The following USH2A variants were observed in gnomAD, a reference collection of about 807,000 sequenced individuals.
The protein encoded by USH2A is Usher syndrome 2A (autosomal recessive, mild).
USH2A carries 443 observed loss-of-function variants against 538.9 expected under a neutral mutation model. The observed-to-expected ratio is 0.82, with a 90% CI of 0.76 to 0.89. The LOEUF (loss-of-function observed/expected upper bound fraction) is 0.89, where lower values mean the gene tolerates loss of function less well. Among genes scored for constraint, USH2A ranks in the 40% least tolerant of loss-of-function variants. The probability of loss-of-function intolerance (pLI) is 0.00; values close to 1 mark genes in which losing one functional copy is unlikely to be tolerated. For synonymous variants in USH2A, 2,413 were observed against 2,273.5 expected (o/e 1.06, Z -1.75); for missense variants, 6,633 against 6,324.8 (o/e 1.05, Z -1.65).
rs2102665314 is a variant in USH2A at position 215,674,518 on chromosome 1, T to A, written c.13393A>T (p.Lys4465Ter). The A allele has an allele frequency of 1.2e-6, 2 of 1,614,178 alleles. No homozygotes were observed. Among genetic ancestry groups the A allele is most frequent in the Non-Finnish European group, 1.7e-6 (2 of 1,180,028 alleles). The change falls in exon 63 of 72, where the codon AAA (lysine) becomes TAA (stop). Residue 4465 changes from lysine (K) to a stop codon, truncating the protein, a stop_gained. Transcript: ENST00000307340. LOFTEE classifies it high-confidence loss of function. ...TGSESIEITW[K>*]PPRNPNGQIR... ...TGGCCATTTGGGTTTCTTGGAGGTT[T>A]CCAGGTGATTTCTATTGATTCTGAG...
intron 32 of USH2A, among the ~76,000 whole-genome samples, chr1:216,006,715 T>C (rs945505102): frequency 6.6e-6 from 1 of 152,180 alleles, no homozygotes; most frequent in African/African-American, 2.4e-5. Context: ...GACAATTCTC[T>C]TGAGGAACCA....
At chr1:215,764,831 AT>A (rs771479047) in intron 56 of USH2A, among the ~76,000 whole-genome samples, 5 of 152,118 alleles carry the variant, frequency 3.3e-5, no homozygotes, top group African/African-American at 4.8e-5. Flanking sequence ...TTCACACTAT[AT>A]TTATTTCATA....
rs189583485 is a variant in USH2A at position 216,119,601 on chromosome 1, A to G, written c.4628-22388T>C. 7.9e-5 allele frequency among the ~76,000 whole-genome samples: 12 copies of G among 152,188 alleles called. No individual in the cohort carries two copies. The East Asian group carries it at 2.3e-3, about 29-fold the overall frequency. On this transcript the variant is annotated intron_variant, in intron 21 of 71. Coordinates refer to ENST00000307340, the MANE Select transcript of USH2A (RefSeq NM_206933.4). ...GTAAAAGATGATGTATTTTAATTAAACGAAATATCCCATATAAATATATTT... is the reference window on the plus strand; with the variant it reads ...GTAAAAGATGATGTATTTTAATTAAGCGAAATATCCCATATAAATATATTT...
At chr1:215,924,297 T>G (rs1666177826) in intron 38 of USH2A, among the ~76,000 whole-genome samples, 3 of 152,064 alleles carry the variant, frequency 2.0e-5, no homozygotes, top group African/African-American at 7.2e-5. Context: ...TTTTAGACTC[T>G]GGGGGGTCTA....
chr1:216,078,147 A>G lies in USH2A; in HGVS notation c.5514T>C (p.Tyr1838=), dbSNP rs2031815328. Residue 1838 remains tyrosine, a synonymous_variant, in exon 27 of 72, where the codon TAT becomes TAC. Transcript: ENST00000307340. ...GCAGTTCCTGTGGGATTCCTCCCAC[A>G]TAAACTGGTGAATTCACCACCAGTG... ...DQPLVVNSPV[Y]VGGIPQELLN... 4 of 1,613,660 alleles carry G rather than the reference A, an allele frequency of 2.5e-6. No homozygotes were observed. Among genetic ancestry groups the G allele is most frequent in the East Asian group, 2.2e-5 (1 of 44,870 alleles).
chr1:215,700,022 G>A (rs1377142998), intron 61 of USH2A, among the ~76,000 whole-genome samples: 4 of 152,156 alleles, frequency 2.6e-5, no homozygotes, highest in African/African-American at 9.7e-5. Flanking sequence ...ATGAAGGGGT[G>A]CTGAATTTTA....
Position 216,421,051 on chromosome 1 carries a change from C to T in USH2A, c.485+801G>A, listed in dbSNP as rs114765926. On this transcript the variant is annotated intron_variant, in intron 2 of 71. Coordinates refer to ENST00000307340, the MANE Select transcript of USH2A (RefSeq NM_206933.4). ...ATAAGCAAAAATTCCTCAAAACTGT[C>T]CTGTATATTAAAATCTCCAGGTTGG... is the stretch of plus-strand genomic sequence containing the variant. 3.2e-3 allele frequency among the ~76,000 whole-genome samples: 490 copies of T among 152,158 alleles called. 3 individuals are homozygous for T. Among genetic ancestry groups the T allele is most frequent in the African/African-American group, 0.011 (463 of 41,548 alleles).
At chr1:215,760,291 C>T (rs763886903) in intron 56 of USH2A, among the ~76,000 whole-genome samples, 4 of 152,108 alleles carry the variant, frequency 2.6e-5, no homozygotes, top group Non-Finnish European at 5.9e-5. Flanking sequence ...ATGCCTCTGG[C>T]CTCATTTACT....
intron 3 of USH2A, among the ~76,000 whole-genome samples, chr1:216,373,654 G>A (rs1000034534): frequency 2.6e-5 from 4 of 152,110 alleles, no homozygotes; most frequent in African/African-American, 4.8e-5. Context: ...AAAGTTATTC[G>A]TATATCATTA....
chr1:215,821,892 T>A (rs998163781), intron 47 of USH2A, among the ~76,000 whole-genome samples: 1 of 151,956 alleles, frequency 6.6e-6, no homozygotes, highest in African/African-American at 2.4e-5. Flanking sequence ...GTTTCCTCAT[T>A]GCAAGTTCTT....
At chr1:216,245,878 T>C (rs1321493262) in intron 13 of USH2A, among the ~76,000 whole-genome samples, 1 of 152,196 alleles carries the variant, frequency 6.6e-6, no homozygotes, top group Non-Finnish European at 1.5e-5. Context: ...AGAGCTAATA[T>C]TGGCTGACAG....
chr1:215,817,478 A>G (rs1662890770), intron 47 of USH2A, among the ~76,000 whole-genome samples: 3 of 151,850 alleles, frequency 2.0e-5, no homozygotes, highest in Admixed American at 6.6e-5. Flanking sequence ...AAGCAAAGAT[A>G]AGACATACAT....
At position 216,422,276 on chromosome 1, in the gene USH2A, T is replaced by C. The variant is rs757708683; in HGVS notation, c.61A>G (p.Ile21Val). 1 of 1,613,606 alleles carries C rather than the reference T, an allele frequency of 6.2e-7. No individual in the cohort carries two copies. The highest frequency in any genetic ancestry group is 1.3e-5 in the African/African-American group (1 of 74,910). Residue 21 changes from isoleucine (I) to valine (V), a missense_variant, in exon 2 of 72, where the codon ATC becomes GTC. By Grantham distance (29) the Ile-to-Val change is conservative. Coordinates refer to ENST00000307340, the MANE Select transcript of USH2A (RefSeq NM_206933.4). ...GATATTGAAGCAAAATAGGCAAAGA[T>C]CAACATTTCAATGACCTGAAACAAG... is the stretch of plus-strand genomic sequence containing the variant. ...GFLFQVIEML[I>V]FAYFASISLT...
chr1:215,724,014 CA>C (rs1659737544), intron 61 of USH2A, among the ~76,000 whole-genome samples: 1 of 152,056 alleles, frequency 6.6e-6, no homozygotes, highest in South Asian at 2.1e-4. Flanking sequence ...TTCACAATAG[CA>C]AAGATATTGA....
chr1:216,202,379 T>C (rs58944494), intron 16 of USH2A, among the ~76,000 whole-genome samples: 14,497 of 152,232 alleles, frequency 0.095, 1,194 homozygotes, highest in African/African-American at 0.22. Context: ...AAATATGCAT[T>C]TGTGTAGGAA....
At chr1:215,820,969 T>C (rs1432683626) in intron 47 of USH2A, among the ~76,000 whole-genome samples, 4 of 151,864 alleles carry the variant, frequency 2.6e-5, no homozygotes, top group Non-Finnish European at 5.9e-5. Flanking sequence ...ATGTACCACA[T>C]TTTCTTTATC....
chr1:216,236,168 T>C (rs2035812212), intron 13 of USH2A, among the ~76,000 whole-genome samples: 1 of 152,142 alleles, frequency 6.6e-6, no homozygotes, highest in African/African-American at 2.4e-5. Context: ...TAAGGGTTTT[T>C]CAATTAAATT....
chr1:216,291,741 A>G (rs1039215548), intron 10 of USH2A, among the ~76,000 whole-genome samples: 6 of 152,206 alleles, frequency 3.9e-5, no homozygotes, highest in Non-Finnish European at 8.8e-5. Flanking sequence ...GAGTATTCTC[A>G]GACTACCAGT....
chr1:215,859,178 A>C (rs1664250856), intron 44 of USH2A, among the ~76,000 whole-genome samples: 1 of 152,088 alleles, frequency 6.6e-6, no homozygotes, highest in Admixed American at 6.6e-5. Context: ...ACACAATAAC[A>C]CAGGTGTGAA....
Sources: allele counts gnomAD v4.1 joint callset (sites outside exome capture counted in the v4.1 genomes callset), GRCh38; gene constraint gnomAD v4.1.1; transcripts MANE v1.5; gene names NCBI Gene and HGNC (gene_info 2026-07-23, HGNC 2026-07-21).